BAZ1A: variants seen among roughly 807,000 people sequenced by gnomAD.
BAZ1A encodes the protein bromodomain adjacent to zinc finger domain protein 1A.
In BAZ1A, 50 loss-of-function variants were observed where a neutral mutation model predicts 185.2. The observed-to-expected ratio is 0.27, with a 90% CI of 0.22 to 0.34. BAZ1A has a LOEUF of 0.34. BAZ1A is among the 10% of genes least tolerant of loss of function. The pLI is 1.00. For synonymous variants in BAZ1A, 571 were observed against 615.6 expected (o/e 0.93, Z 1.07); for missense variants, 1,356 against 1,839.9 (o/e 0.74, Z 4.81).
At chr14:34,873,037 A>C (rs565095545) in intron 2 of BAZ1A, among the ~76,000 whole-genome samples, 1 of 151,664 alleles carries the variant, frequency 6.6e-6, no homozygotes, top group South Asian at 2.1e-4. Context: ...CGAGATGTGC[A>C]CTCCTACTTA....
intron 3 of BAZ1A, among the ~76,000 whole-genome samples, chr14:34,834,890 G>C (rs1011911181): frequency 6.6e-6 from 1 of 152,126 alleles, no homozygotes; most frequent in South Asian, 2.1e-4. Flanking sequence ...TTGAATTAAA[G>C]TTATGCTCCA....
chr14:34,800,583 C>T (rs1594854039), intron 8 of BAZ1A, among the ~76,000 whole-genome samples, 193 bp from the exon 9 acceptor site: 1 of 152,154 alleles, frequency 6.6e-6, no homozygotes, highest in East Asian at 1.9e-4. Context: ...TGACAAACTA[C>T]AGTACTGGGA....
chr14:34,795,158 G>C lies in BAZ1A; in HGVS notation c.1225-271C>G, dbSNP rs530689879. ...TACTAAGAACATAACTTTAGGCTGA[G>C]TGTATTTCTGACTATATTTCCTAGT... On this transcript the variant is annotated intron_variant, in intron 10 of 26. Transcript: ENST00000360310. 4.3e-4 allele frequency among the ~76,000 whole-genome samples: 65 copies of C among 152,298 alleles called. No individual in the cohort carries two copies. The Middle Eastern group carries it at 0.01, about 24-fold the overall frequency.
At chr14:34,790,175 T>C (rs1880749113) in intron 12 of BAZ1A, among the ~76,000 whole-genome samples, 1 of 151,916 alleles carries the variant, frequency 6.6e-6, no homozygotes, top group African/African-American at 2.4e-5. Context: ...TTTCTTTTTT[T>C]TTTTTTTCCC....
At chr14:34,825,949 T>C in intron 4 of BAZ1A, 64 bp downstream of exon 4, 1 of 1,432,034 alleles carries the variant, frequency 7.0e-7, no homozygotes, top group Non-Finnish European at 9.3e-7. Context: ...AAAAAAAAGT[T>C]ATTTCAATGG....
intron 25 of BAZ1A, among the ~76,000 whole-genome samples, chr14:34,757,136 A>C (rs958904703): frequency 1.3e-5 from 2 of 151,998 alleles, no homozygotes; most frequent in East Asian, 1.9e-4. Flanking sequence ...AGGCCAAGAC[A>C]CATGGATCAC....
chr14:34,820,512 C>T (rs565511664), intron 4 of BAZ1A, among the ~76,000 whole-genome samples: 1 of 152,294 alleles, frequency 6.6e-6, no homozygotes, highest in East Asian at 1.9e-4. Context: ...TTTTGCAAAA[C>T]ACTCTGTGGC....
intron 14 of BAZ1A, 151 bp from the exon 15 acceptor site, chr14:34,784,078 G>C: frequency 1.4e-6 from 1 of 700,884 alleles, no homozygotes; most frequent in Non-Finnish European, 2.2e-6. Flanking sequence ...TCAGGAAAAA[G>C]CAATTATGGG....
rs1886437077 is a variant in BAZ1A, at chr14:34,759,608, C to T, written c.4244-762G>A. 2.0e-5 allele frequency among the ~76,000 whole-genome samples: 3 copies of T among 152,228 alleles called. No homozygotes were observed. The South Asian group carries it at 6.2e-4, about 32-fold the overall frequency. On this transcript the variant is annotated intron_variant, in intron 24 of 26. Coordinates refer to ENST00000360310, the MANE Select transcript of BAZ1A (RefSeq NM_013448.3). ...GAAACTAGGCTTACATATAAATTAC[C>T]TTGCATAATGGAAAAGCAATTCTCA...
rs768830464 is a variant in BAZ1A, at chr14:34,815,310, G to A, written c.537-4274C>T. ...TTCCCAAAGAAGCACAATTACTGGA[G>A]ACCAAGAAAAACTGCTTCTTATAAT... On this transcript the variant is annotated intron_variant, in intron 4 of 26. Coordinates refer to ENST00000360310, the MANE Select transcript of BAZ1A (RefSeq NM_013448.3). 2.6e-5 allele frequency among the ~76,000 whole-genome samples: 4 copies of A among 152,102 alleles called. No homozygotes were observed. The South Asian group carries it at 8.3e-4, about 31-fold the overall frequency.
At chr14:34,791,160 A>AGAGAAGAG (rs1183719253) in intron 12 of BAZ1A, among the ~76,000 whole-genome samples, 60 of 151,962 alleles carry the variant, frequency 3.9e-4, no homozygotes, top group Non-Finnish European at 7.9e-4. Context: ...AGAGAAGAGA[A>AGAGAAGAG]GAGAGTAGTA....
intron 20 of BAZ1A, among the ~76,000 whole-genome samples, chr14:34,773,251 G>A (rs1000116252): frequency 1.3e-5 from 2 of 151,534 alleles, no homozygotes; most frequent in Admixed American, 1.3e-4. Context: ...AATTTACTAA[G>A]TTTTCCTATA....
chr14:34,812,255 C>A (rs8005487), intron 4 of BAZ1A, among the ~76,000 whole-genome samples: 9,487 of 151,260 alleles, frequency 0.063, 394 homozygotes, highest in Non-Finnish European at 0.097. Flanking sequence ...AAAAAGGGAG[C>A]AACTCATGAA....
At chr14:34,848,442 C>A (rs556112425) in intron 3 of BAZ1A, among the ~76,000 whole-genome samples, 1 of 152,104 alleles carries the variant, frequency 6.6e-6, no homozygotes, top group Admixed American at 6.5e-5. Flanking sequence ...CTCGTCTCTA[C>A]TAATACAAAA....
intron 3 of BAZ1A, among the ~76,000 whole-genome samples, chr14:34,834,435 A>C (rs1182413370): frequency 6.6e-6 from 1 of 152,224 alleles, no homozygotes; most frequent in Middle Eastern, 3.2e-3. Flanking sequence ...AACTGACCAC[A>C]GTAGGTCCCA....
At chr14:34,772,247 C>T (rs542211795) in intron 20 of BAZ1A, among the ~76,000 whole-genome samples, 9 of 152,112 alleles carry the variant, frequency 5.9e-5, no homozygotes, top group Non-Finnish European at 1.3e-4. Flanking sequence ...AGCCACTGCG[C>T]CTGGCCTAAA....
intron 3 of BAZ1A, among the ~76,000 whole-genome samples, chr14:34,860,478 A>G (rs2042749371): frequency 6.9e-6 from 1 of 144,868 alleles, no homozygotes; most frequent in Non-Finnish European, 1.5e-5. Flanking sequence ...ACTGCACTCT[A>G]GCCTGGGCAA....
Position 34,801,110 on chromosome 14 carries a change from T to A in BAZ1A, c.945A>T (p.Glu315Asp). Residue 315 changes from glutamate (E) to aspartate (D), a missense_variant, in exon 8 of 27, where the codon GAA becomes GAT. Glu to Asp is a conservative substitution (Grantham distance 45, BLOSUM62 2). Coordinates refer to ENST00000360310, the MANE Select transcript of BAZ1A (RefSeq NM_013448.3). ...AAAACTCACCCAGTGACTTCATTTC[T>A]TCTTGTTTCAAAAGTTTATCTCTTT... ...TKERDKLLKQ[E>D]EMKSLAFEKA... 1 of 1,597,520 alleles carries A rather than the reference T, an allele frequency of 6.3e-7. No homozygotes were observed. The highest frequency in any genetic ancestry group is 8.5e-7 in the Non-Finnish European group (1 of 1,174,094).
At position 34,780,319 on chromosome 14, in the gene BAZ1A, T is replaced by A. The variant is rs749271026; in HGVS notation, c.2112-9A>T. The A allele has an allele frequency of 6.2e-7, 1 of 1,600,244 alleles. No individual in the cohort carries two copies. The highest frequency in any genetic ancestry group is 1.8e-5 in the Admixed American group (1 of 56,012). Reference sequence around the variant, plus strand: ...CTTCCCTTTCTTCCTCCCTTTAGGATAAAAACAAAGATGACATTTACTAAT... The same window carrying A: ...CTTCCCTTTCTTCCTCCCTTTAGGAAAAAAACAAAGATGACATTTACTAAT... On this transcript the variant is annotated splice_polypyrimidine_tract_variant and intron_variant, in intron 16 of 26. Coordinates refer to ENST00000360310, the MANE Select transcript of BAZ1A (RefSeq NM_013448.3).
Sources: gnomAD v4.1 joint callset for allele counts (sites outside exome capture counted in the v4.1 genomes callset) on GRCh38, gnomAD v4.1.1 for gene constraint, MANE v1.5 for transcripts, NCBI Gene and HGNC (gene_info 2026-07-23, HGNC 2026-07-21) for gene names.